Variants in USP6 observed in about 807,000 individuals in gnomAD.
USP6 encodes the protein ubiquitin carboxyl-terminal hydrolase 6.
USP6 carries 128 observed loss-of-function variants against 175.7 expected under a neutral mutation model. The observed-to-expected ratio is 0.73, with a 90% confidence interval of 0.63 to 0.84. The LOEUF is 0.84. Among genes scored for constraint, USP6 ranks in the 40% least tolerant of loss-of-function variants. The probability of loss-of-function intolerance (pLI) is 0.00; values close to 1 mark genes in which losing one functional copy is unlikely to be tolerated. For synonymous variants in USP6, 562 were observed against 630.6 expected (o/e 0.89, Z 1.63); for missense variants, 1,498 against 1,760.3 (o/e 0.85, Z 2.67).
chr17:5,156,662 A>T (rs2073892046), intron 31 of USP6, among the ~76,000 whole-genome samples: 1 of 152,054 alleles, frequency 6.6e-6, no homozygotes. Context: ...TATGGTAACT[A>T]AAAAAAGTTC....
chr17:5,118,067 T>C (rs993436110), intron 1 of USP6, 133 bp from the exon 2 acceptor site: 15 of 124,932 alleles, frequency 1.2e-4, no homozygotes, highest in African/African-American at 4.6e-4. Flanking sequence ...GGACTCCGTC[T>C]CAAAAAAAAA....
chr17:5,142,649 T>C (rs1042941153), intron 25 of USP6, 147 bp downstream of exon 25: 5 of 1,332,884 alleles, frequency 3.8e-6, no homozygotes, highest in Non-Finnish European at 5.0e-6. Context: ...CAAATTCTTT[T>C]GCTTGTTTAA....
chr17:5,136,866 G>A, intron 18 of USP6, 132 bp downstream of exon 18: 2 of 1,409,502 alleles, frequency 1.4e-6, no homozygotes, highest in Non-Finnish European at 2.0e-6. Flanking sequence ...TGGGACGTCG[G>A]GTTCTCCATG....
chr17:5,170,335 A>G, intron 35 of USP6, 144 bp from the exon 36 acceptor site: 1 of 1,271,902 alleles, frequency 7.9e-7, no homozygotes, highest in Non-Finnish European at 1.1e-6. Context: ...GCTACACAAT[A>G]GGAACCAAAG....
intron 19 of USP6, 27 bp from the exon 20 acceptor site, chr17:5,137,624 G>A (rs1221684241): frequency 6.3e-7 from 1 of 1,598,346 alleles, no homozygotes; most frequent in East Asian, 2.3e-5. Flanking sequence ...GAAGGGCCAG[G>A]TTCTCTCATA....
chr17:5,170,500 A>G lies in USP6; in HGVS notation c.3539A>G (p.Lys1180Arg). The G allele has an allele frequency of 6.2e-7, 1 of 1,609,882 alleles. No homozygotes were observed. Among genetic ancestry groups the G allele is most frequent in the East Asian group, 2.2e-5 (1 of 44,852 alleles). Residue 1180 changes from lysine (K) to arginine (R), a missense_variant, in exon 36 of 38, where the codon AAA becomes AGA. By Grantham distance (26) the Lys-to-Arg change is conservative (BLOSUM62 2). Coordinates refer to ENST00000574788, the MANE Select transcript of USP6 (RefSeq NM_001304284.2). ...SPKGSPSSSRKSGTSCPSSKN... is the reference protein window; with the variant it reads ...SPKGSPSSSRRSGTSCPSSKN... ...ACAGGTTCTCCTTCTTCATCAAGAA[A>G]AAGTGGAACCAGCTGTCCCTCCAGC... is the stretch of plus-strand genomic sequence containing the variant.
At chr17:5,169,526 G>C (rs2074167764) in intron 35 of USP6, among the ~76,000 whole-genome samples, 2 of 152,098 alleles carry the variant, frequency 1.3e-5, no homozygotes, top group Admixed American at 6.6e-5. Context: ...ACTGCAGCCT[G>C]GACCTCCTGG....
chr17:5,142,331 A>T, intron 24 of USP6, 66 bp from the exon 25 acceptor site: 4 of 1,411,900 alleles, frequency 2.8e-6, no homozygotes, highest in Non-Finnish European at 3.8e-6. Context: ...GATGCTAGGC[A>T]TCTTTGCCCA....
In USP6 at chr17:5,137,713, G is replaced by A; in HGVS notation, c.888G>A (p.Leu296=). Residue 296 remains leucine, a synonymous_variant, in exon 20 of 38, where the codon TTG becomes TTA. Coordinates refer to ENST00000574788, the MANE Select transcript of USP6 (RefSeq NM_001304284.2). The part of the protein sequence containing the change: ...DVYLVEGEQV[L]MPITSIALKV... ...ATTTGGTGGAAGGAGAACAGGTGTTGATGCCAATAACCAGCATTGCTCTTA... is the reference window on the plus strand; with the variant it reads ...ATTTGGTGGAAGGAGAACAGGTGTTAATGCCAATAACCAGCATTGCTCTTA... 1.2e-6 allele frequency: 2 copies of A among 1,609,140 alleles called. No homozygotes were observed. Among genetic ancestry groups the A allele is most frequent in the Non-Finnish European group, 1.7e-6 (2 of 1,176,602 alleles).
rs1440337094 is a variant in USP6 at position 5,137,653 on chromosome 17, C to T, written c.828C>T (p.Ile276=). 1 of 1,604,730 alleles carries T rather than the reference C, an allele frequency of 6.2e-7. No homozygotes were observed. The highest frequency in any genetic ancestry group is 8.5e-7 in the Non-Finnish European group (1 of 1,173,962). ...TCTCATACCTGCTGTCCCCACAGAT[C>T]TCTCTCGGGCTCACCCTGCGCCTGT... is the stretch of plus-strand genomic sequence containing the variant. ...GCLLRNLIDG[I]SLGLTLRLWD... is the part of the protein sequence containing the mutation. Residue 276 remains isoleucine (I), a splice_region_variant and synonymous_variant, in exon 20 of 38, where the codon ATC becomes ATT. Transcript: ENST00000574788.
At chr17:5,164,749 A>G (rs2074067139) in intron 33 of USP6, among the ~76,000 whole-genome samples, 1 of 152,224 alleles carries the variant, frequency 6.6e-6, no homozygotes, top group Non-Finnish European at 1.5e-5. Flanking sequence ...GGGTTTCTGC[A>G]TGTGCTTAGA....
chr17:5,154,157 CAT>C (rs1381684729), intron 30 of USP6, among the ~76,000 whole-genome samples: 1 of 152,160 alleles, frequency 6.6e-6, no homozygotes, highest in Non-Finnish European at 1.5e-5. Context: ...ATAATAGTAA[CAT>C]ATGAAATAGG....
chr17:5,168,564 C>T (rs550587108), intron 34 of USP6, among the ~76,000 whole-genome samples: 56 of 152,330 alleles, frequency 3.7e-4, no homozygotes, highest in South Asian at 1.7e-3. Context: ...GAGTTGAGCG[C>T]GTGTGCACAA....
intron 4 of USP6, among the ~76,000 whole-genome samples, chr17:5,123,349 C>T (rs2072767285): frequency 6.6e-6 from 1 of 151,900 alleles, no homozygotes; most frequent in South Asian, 2.1e-4. Context: ...CGGCCTGGCC[C>T]GGAGTGACCC....
chr17:5,134,267 C>T (rs751031974), intron 15 of USP6: 5 of 444,982 alleles, frequency 1.1e-5, no homozygotes, highest in South Asian at 6.9e-5. Flanking sequence ...AAGGTGCTCT[C>T]CCTGACCCAC....
At chr17:5,159,595 G>A (rs547519587) in intron 31 of USP6, among the ~76,000 whole-genome samples, 90 of 152,252 alleles carry the variant, frequency 5.9e-4, no homozygotes, top group Non-Finnish European at 9.0e-4. Flanking sequence ...GAAGGAAGAA[G>A]AGATCATGTA....
Position 5,146,148 on chromosome 17 carries a change from G to A in USP6, c.2293G>A (p.Ala765Thr), listed in dbSNP as rs748575730. 1.6e-5 allele frequency: 25 copies of A among 1,611,342 alleles called. No individual in the cohort carries two copies. The highest frequency in any genetic ancestry group is 2.2e-5 in the East Asian group (1 of 44,790). ...ACTTAATTCAGAACAAATCCTACTA[G>A]CAGAAGTACATGATTCCAACATAAA... ...CGLNSEQILL[A>T]EVHDSNIKNF... The change falls in exon 28 of 38, where the codon GCA becomes ACA. Residue 765 changes from alanine to threonine, a missense_variant. Around this residue, in one of 2 missense-constraint regions of USP6, gnomAD observed 1,217 missense variants for 1,500.8 expected, o/e 0.81. Transcript: ENST00000574788.
At chr17:5,130,306 G>A (rs549931181) in intron 9 of USP6, 61 bp from the exon 10 acceptor site, 5 of 1,564,196 alleles carry the variant, frequency 3.2e-6, no homozygotes, top group Admixed American at 1.7e-5. Context: ...GGTGGGAGCG[G>A]TTCAGGTGTT....
Position 5,155,605 on chromosome 17 carries a change from C to G in USP6, c.2827C>G (p.Arg943Gly), listed in dbSNP as rs552216482. The G allele has an allele frequency of 1.2e-6, 2 of 1,613,670 alleles. No individual in the cohort carries two copies. Among genetic ancestry groups the G allele is most frequent in the Non-Finnish European group, 1.7e-6 (2 of 1,179,852 alleles). The change falls in exon 31 of 38, where the codon CGT becomes GGT. Residue 943 changes from arginine (R) to glycine (G), a missense_variant and splice_region_variant. Around this residue, in one of 2 missense-constraint regions of USP6, gnomAD observed 1,217 missense variants for 1,500.8 expected, o/e 0.81. Coordinates refer to ENST00000574788, the MANE Select transcript of USP6 (RefSeq NM_001304284.2). ...PQEASIHAQD[R>G]DNCMGYQYPF... is the part of the protein sequence containing the mutation. ...GGAAGCTAGTATTCATGCCCAGGAT[C>G]GGTGAGTTCAGGGGATCCATCTAAA...
Sources: gnomAD v4.1 joint callset for allele counts (sites outside exome capture counted in the v4.1 genomes callset) on GRCh38, gnomAD v4.1.1 for gene constraint, gnomAD v4.1.1 regional missense constraint, MANE v1.5 for transcripts, NCBI Gene and HGNC (gene_info 2026-07-23, HGNC 2026-07-21) for gene names.